Variants in THSD7B observed in about 807,000 individuals in gnomAD.
THSD7B encodes thrombospondin type-1 domain-containing protein 7B.
In THSD7B, 138 loss-of-function variants were observed where a neutral mutation model predicts 213.6. The observed-to-expected ratio is 0.65, with a 90% CI of 0.56 to 0.74. The LOEUF is 0.74. Among genes scored for constraint, THSD7B ranks in the 30% least tolerant of loss-of-function variants. The probability of loss-of-function intolerance (pLI) is 0.00; values close to 1 mark genes in which losing one functional copy is unlikely to be tolerated. For synonymous variants in THSD7B, 742 were observed against 687.0 expected (o/e 1.08, Z -1.25); for missense variants, 1,931 against 1,991.5 (o/e 0.97, Z 0.58).
chr2:137,409,914 TTTG>T (rs1234994212), intron 13 of THSD7B, among the ~76,000 whole-genome samples: 4 of 152,290 alleles, frequency 2.6e-5, no homozygotes, highest in Admixed American at 1.3e-4. Context: ...GTTTCTTGTT[TTTG>T]TTGTTGTTTG....
At chr2:137,560,555 C>T (rs1209578306) in intron 15 of THSD7B, among the ~76,000 whole-genome samples, 1 of 151,954 alleles carries the variant, frequency 6.6e-6, no homozygotes, top group East Asian at 1.9e-4. Flanking sequence ...CACACCGGGG[C>T]CTGTTGTGGG....
Position 136,877,319 on chromosome 2 carries a change from T to C in THSD7B, c.-35-4825T>C, listed in dbSNP as rs976975471. On this transcript the variant is annotated intron_variant, in intron 1 of 27. Coordinates refer to ENST00000409968, the MANE Select transcript of THSD7B (RefSeq NM_001316349.2). ...AAAGCGCAGTTGTGACAAGTCATAT[T>C]CTTGGATGTTTGCTCTAAGGAAATG... is the stretch of plus-strand genomic sequence containing the variant. Among the ~76,000 whole-genome samples, 7 of 152,326 alleles carry C rather than the reference T, an allele frequency of 4.6e-5. 1 individual carries two copies. The highest frequency in any genetic ancestry group is 2.6e-4 in the Admixed American group (4 of 15,302).
intron 12 of THSD7B, among the ~76,000 whole-genome samples, chr2:137,305,992 T>C (rs996154923): frequency 6.6e-6 from 1 of 152,116 alleles, no homozygotes; most frequent in Non-Finnish European, 1.5e-5. Context: ...CAATAAAATA[T>C]AGTACAAAAG....
chr2:137,615,235 T>C (rs1339960175), intron 17 of THSD7B, among the ~76,000 whole-genome samples: 3 of 152,188 alleles, frequency 2.0e-5, no homozygotes, highest in Non-Finnish European at 2.9e-5. Context: ...GGTTAGCACC[T>C]GAGGATATAT....
chr2:136,906,155 T>C (rs183515237), intron 2 of THSD7B, among the ~76,000 whole-genome samples: 1 of 152,310 alleles, frequency 6.6e-6, no homozygotes, highest in East Asian at 1.9e-4. Flanking sequence ...TTTTATTCAC[T>C]CTTTCATTCA....
rs1277221265 is a variant in THSD7B, at chr2:137,363,302, C to T, written c.2501-42311C>T. 2.6e-5 allele frequency among the ~76,000 whole-genome samples: 4 copies of T among 152,228 alleles called. No homozygotes were observed. The East Asian group carries it at 7.7e-4, about 29-fold the overall frequency. On this transcript the variant is annotated intron_variant, in intron 12 of 27. Transcript: ENST00000409968. Reference sequence around the variant, plus strand: ...GAAAGCAGGAAAGATCTAAAATCGACACCCTAACATCACAATAAAAAGAAC... The same window carrying T: ...GAAAGCAGGAAAGATCTAAAATCGATACCCTAACATCACAATAAAAAGAAC...
chr2:137,566,408 T>C (rs1681240194), intron 16 of THSD7B, among the ~76,000 whole-genome samples: 1 of 152,146 alleles, frequency 6.6e-6, no homozygotes, highest in South Asian at 2.1e-4. Flanking sequence ...TCTGCCTCCC[T>C]GAGCTGGGGG....
intron 6 of THSD7B, among the ~76,000 whole-genome samples, chr2:137,160,787 C>A (rs1039266468): frequency 6.6e-6 from 1 of 152,116 alleles, no homozygotes; most frequent in African/African-American, 2.4e-5. Flanking sequence ...CCAAGCCCTG[C>A]TAATTTTTGT....
chr2:137,618,437 G>T lies in THSD7B; in HGVS notation c.3611G>T (p.Gly1204Val). Residue 1204 changes from glycine (G) to valine (V), a missense_variant, in exon 19 of 28, where the codon GGC becomes GTC. Gly to Val is a moderately radical substitution (Grantham distance 109, BLOSUM62 -3). Transcript: ENST00000409968. ...AGTGAAAACGCACCCTGTGGTCAAGGCGTCAGGACCCGCCTGCTAAGCTGT... is the reference window on the plus strand; with the variant it reads ...AGTGAAAACGCACCCTGTGGTCAAGTCGTCAGGACCCGCCTGCTAAGCTGT... ...QLSENAPCGQ[G>V]VRTRLLSCVC... 6.2e-7 allele frequency: 1 copy of T among 1,613,866 alleles called. No homozygotes were observed. Among genetic ancestry groups the T allele is most frequent in the Non-Finnish European group, 8.5e-7 (1 of 1,179,866 alleles).
At chr2:137,648,209 T>C (rs1683073589) in intron 21 of THSD7B, among the ~76,000 whole-genome samples, 1 of 152,228 alleles carries the variant, frequency 6.6e-6, no homozygotes, top group Non-Finnish European at 1.5e-5. Context: ...TTACCTTATA[T>C]ATTTTCCTTT....
chr2:137,560,995 G>C (rs1681106119), intron 15 of THSD7B, among the ~76,000 whole-genome samples: 1 of 152,092 alleles, frequency 6.6e-6, no homozygotes, highest in African/African-American at 2.4e-5. Flanking sequence ...AGAATGAACA[G>C]CATGAACAAT....
intron 17 of THSD7B, among the ~76,000 whole-genome samples, chr2:137,585,845 T>C (rs1483154796): frequency 6.6e-6 from 1 of 152,218 alleles, no homozygotes; most frequent in Admixed American, 6.5e-5. Context: ...TCTGTAGATG[T>C]CTATTAGGTC....
chr2:136,877,709 T>C (rs549493011), intron 1 of THSD7B, among the ~76,000 whole-genome samples: 2 of 152,242 alleles, frequency 1.3e-5, no homozygotes, highest in East Asian at 3.9e-4. Flanking sequence ...TACAGACAAC[T>C]TGCTGTTTTA....
Position 137,676,916 on chromosome 2 carries a change from A to T in THSD7B, c.*311A>T. The stretch of plus-strand genomic sequence containing the variant: ...TGATGGAATTCCCACAGACTTGAGT[A>T]AACTTGATCTTCAGCAGCATAATGA... On this transcript the variant is annotated 3_prime_UTR_variant, in exon 28 of 28. Coordinates refer to ENST00000409968, the MANE Select transcript of THSD7B (RefSeq NM_001316349.2). The T allele has an allele frequency of 4.2e-6, 1 of 238,472 alleles. No individual in the cohort carries two copies. The highest frequency in any genetic ancestry group is 8.0e-6 in the Non-Finnish European group (1 of 125,192). 14.8% of individuals were successfully genotyped at this position (238,472 alleles called of 1,614,324 possible).
chr2:137,022,278 T>C (rs767630062), intron 2 of THSD7B, among the ~76,000 whole-genome samples: 1 of 152,202 alleles, frequency 6.6e-6, no homozygotes, highest in Non-Finnish European at 1.5e-5. Context: ...TTTAAACTGG[T>C]TGTACCATTT....
intron 17 of THSD7B, among the ~76,000 whole-genome samples, chr2:137,599,566 A>AAGTC (rs1476558494): frequency 2.0e-5 from 3 of 151,532 alleles, no homozygotes; most frequent in African/African-American, 7.3e-5. Context: ...ACCATTGTGG[A>AAGTC]AGTCAGTGTG....
At chr2:137,418,268 CCTT>C (rs1030833235) in intron 14 of THSD7B, among the ~76,000 whole-genome samples, 36 of 152,252 alleles carry the variant, frequency 2.4e-4, no homozygotes, top group African/African-American at 8.2e-4. Context: ...CTCACTCAGT[CCTT>C]CTTCTGGCCA....
At chr2:137,073,953 T>C (rs1687558891) in intron 3 of THSD7B, among the ~76,000 whole-genome samples, 1 of 152,180 alleles carries the variant, frequency 6.6e-6, no homozygotes, top group Non-Finnish European at 1.5e-5. Flanking sequence ...TGAGAGACAG[T>C]TTGTTATAAT....
intron 12 of THSD7B, among the ~76,000 whole-genome samples, chr2:137,393,046 T>G (rs529462287): frequency 9.9e-5 from 15 of 152,186 alleles, no homozygotes; most frequent in African/African-American, 3.6e-4. Context: ...GTAACGAGTT[T>G]CCTCAATATT....
Sources: allele counts gnomAD v4.1 joint callset (sites outside exome capture counted in the v4.1 genomes callset), GRCh38; gene constraint gnomAD v4.1.1; transcripts MANE v1.5; gene names NCBI Gene and HGNC (gene_info 2026-07-23, HGNC 2026-07-21).